Variants in CEP43 observed in about 807,000 individuals in gnomAD.
CEP43 encodes centrosomal protein 43.
A neutral mutation model predicts 52.6 loss-of-function variants in CEP43; 36 were observed. That is an observed-to-expected ratio of 0.68 (90% CI 0.52 to 0.90). CEP43 has a LOEUF of 0.90. CEP43 is among the 40% of genes least tolerant of loss of function. CEP43 has a pLI of 0.00. For synonymous variants in CEP43, 192 were observed against 172.4 expected, an observed-to-expected ratio of 1.11 and a Z score of -0.89; for missense variants, 506 against 472.8, an observed-to-expected ratio of 1.07 and a Z score of -0.65.
intron 5 of CEP43, among the ~76,000 whole-genome samples, chr6:167,004,629 G>T (rs796324594): frequency 1.5e-3 from 85 of 55,168 alleles, no homozygotes; most frequent in African/African-American, 5.2e-3. Flanking sequence ...CCTCAAGAGT[G>T]TTGGGTCATG....
intron 7 of CEP43, among the ~76,000 whole-genome samples, chr6:167,017,055 G>T (rs1286777377): frequency 6.6e-6 from 1 of 150,766 alleles, no homozygotes; most frequent in Non-Finnish European, 1.5e-5. Context: ...GAGTGCAGTG[G>T]CACGATCTCG....
intron 2 of CEP43, 142 bp from the exon 3 acceptor site, chr6:167,003,051 A>G: frequency 2.3e-6 from 1 of 433,106 alleles, no homozygotes; most frequent in South Asian, 5.4e-5. Flanking sequence ...ACTAAATAGC[A>G]CAAAGTAAGT....
At chr6:167,003,460 A>G (rs1036394207) in intron 3 of CEP43, 2 of 510,446 alleles carry the variant, frequency 3.9e-6, no homozygotes, top group African/African-American at 3.9e-5. Flanking sequence ...TACTACAAAA[A>G]GCCAATATTA....
In CEP43 at chr6:167,052,074, A is replaced by T. The variant is rs558879192; in HGVS notation, c.*12096A>T. ...CAACTTAATTTCTTAAATTATTTTT[A>T]ACTATATTTTTACGTATTTCCTTAA... On this transcript the variant is annotated 3_prime_UTR_variant, in exon 13 of 13. Coordinates refer to ENST00000366847, the MANE Select transcript of CEP43 (RefSeq NM_007045.4). 1 of 152,176 alleles carries T rather than the reference A, an allele frequency of 6.6e-6. No individual in the cohort carries two copies. Among genetic ancestry groups the T allele is most frequent in the East Asian group, 1.9e-4 (1 of 5,190 alleles). The allele number at this position is 152,176 out of a possible 1,614,324, so 9.4% of individuals were successfully genotyped here. A position where few individuals can be genotyped will look rare whatever the true frequency, so the allele number is the denominator to read the frequency against.
intron 10 of CEP43, among the ~76,000 whole-genome samples, chr6:167,031,839 A>G (rs2282858): frequency 0.015 from 2,217 of 152,232 alleles, 58 homozygotes; most frequent in East Asian, 0.11. Context: ...CTGATTTGCA[A>G]ATTTGTCCTT....
chr6:167,005,090 G>A (rs1381239967), intron 5 of CEP43, among the ~76,000 whole-genome samples: 1 of 152,126 alleles, frequency 6.6e-6, no homozygotes, highest in African/African-American at 2.4e-5. Context: ...CCAGATATTT[G>A]ATTAAATGTG....
intron 12 of CEP43, chr6:167,036,031 A>C: frequency 1.0e-6 from 1 of 982,754 alleles, no homozygotes; most frequent in South Asian, 4.7e-5. Context: ...CACAATAGAC[A>C]TTTCTGTCGT....
Position 167,003,187 on chromosome 6 carries a change from T to C in CEP43, c.157-6T>C, listed in dbSNP as rs755078420. On this transcript the variant is annotated splice_polypyrimidine_tract_variant and splice_region_variant and intron_variant, in intron 2 of 12. Coordinates refer to ENST00000366847, the MANE Select transcript of CEP43 (RefSeq NM_007045.4). ...CATGACACTTAAATTTTTTTTTTTTTAACAGAACAAAACTCCTTTAGTTAA... is the reference window on the plus strand; with the variant it reads ...CATGACACTTAAATTTTTTTTTTTTCAACAGAACAAAACTCCTTTAGTTAA... 24 of 1,370,028 alleles carry C rather than the reference T, an allele frequency of 1.8e-5. No individual in the cohort carries two copies. The allele number at this position is 1,370,028 out of a possible 1,614,324, so 84.9% of individuals were successfully genotyped here. A position where few individuals can be genotyped will look rare whatever the true frequency, so the allele number is the denominator to read the frequency against.
intron 8 of CEP43, 128 bp from the exon 9 acceptor site, chr6:167,024,654 G>A: frequency 1.4e-6 from 1 of 712,442 alleles, no homozygotes; most frequent in Non-Finnish European, 2.5e-6. Flanking sequence ...TCTTTAAAGT[G>A]TATATTCTTG....
Position 167,003,338 on chromosome 6 carries a change from T to C in CEP43, c.211+91T>C. Reference sequence around the variant, plus strand: ...GAAATCAGGAATTTCAGGGCTTTTTTTTTGTCTTCAATTGTTATAGGTCCT... The same window carrying C: ...GAAATCAGGAATTTCAGGGCTTTTTCTTTGTCTTCAATTGTTATAGGTCCT... On this transcript the variant is annotated intron_variant, in intron 3 of 12. Coordinates refer to ENST00000366847, the MANE Select transcript of CEP43 (RefSeq NM_007045.4). The C allele has an allele frequency of 5.8e-6, 4 of 687,288 alleles. 1 individual carries two copies. The South Asian group carries it at 8.2e-5, about 14-fold the overall frequency. 42.6% of individuals were successfully genotyped at this position (687,288 alleles called of 1,614,324 possible).
intron 12 of CEP43, chr6:167,036,424 C>T (rs537435382): frequency 1.6e-5 from 16 of 985,222 alleles, no homozygotes; most frequent in Non-Finnish European, 1.8e-5. Context: ...GGAGCAGAGG[C>T]CCTGGGGAGG....
In CEP43 at chr6:167,000,099, C is replaced by G; in HGVS notation, c.142C>G (p.Gln48Glu). ...AGCTGTGTTTTTAGCACTAGAGGAGCAAGAAAAAGTAGAGGTATGAAGTTT... is the reference window on the plus strand; with the variant it reads ...AGCTGTGTTTTTAGCACTAGAGGAGGAAGAAAAAGTAGAGGTATGAAGTTT... The part of the protein sequence containing the change: ...RAAVFLALEE[Q>E]EKVENKTPLV... Residue 48 changes from glutamine (Q) to glutamate (E), a missense_variant, in exon 2 of 13, where the codon CAA (glutamine) becomes GAA (glutamate). Coordinates refer to ENST00000366847, the MANE Select transcript of CEP43 (RefSeq NM_007045.4). The G allele has an allele frequency of 6.2e-7, 1 of 1,611,034 alleles. No individual in the cohort carries two copies. The highest frequency in any genetic ancestry group is 8.5e-7 in the Non-Finnish European group (1 of 1,178,390).
At chr6:167,014,319 G>A (rs537068979) in intron 7 of CEP43, among the ~76,000 whole-genome samples, 1 of 152,288 alleles carries the variant, frequency 6.6e-6, no homozygotes, top group Non-Finnish European at 1.5e-5. Context: ...TTTATTCAGT[G>A]CCCCTGCTCA....
chr6:167,042,043 T>C lies in CEP43; in HGVS notation c.*2065T>C, dbSNP rs1464825893. ...TTCACCATGTTGGTCAGGCTGGTCT[T>C]GAACTCCTGACCTCGTTCCTGCCTT... is the stretch of plus-strand genomic sequence containing the variant. On this transcript the variant is annotated 3_prime_UTR_variant, in exon 13 of 13. Transcript: ENST00000366847. 4 of 680,852 alleles carry C rather than the reference T, an allele frequency of 5.9e-6. No homozygotes were observed. The highest frequency in any genetic ancestry group is 6.1e-5 in the Admixed American group (1 of 16,266). 42.2% of individuals were successfully genotyped at this position (680,852 alleles called of 1,614,324 possible).
At chr6:167,002,216 C>G in intron 2 of CEP43, among the ~76,000 whole-genome samples, 1 of 152,076 alleles carries the variant, frequency 6.6e-6, no homozygotes, top group East Asian at 1.9e-4. Flanking sequence ...CACCCCAAAC[C>G]TTTTTAAGAA....
chr6:167,004,497 A>G (rs1779808209), intron 5 of CEP43, 96 bp downstream of exon 5: 5 of 1,012,856 alleles, frequency 4.9e-6, no homozygotes, highest in Non-Finnish European at 4.0e-6. Flanking sequence ...TAAGGTTTTC[A>G]TACTAGAAGA....
chr6:167,030,882 C>T (rs891681325), intron 10 of CEP43, among the ~76,000 whole-genome samples: 2 of 139,390 alleles, frequency 1.4e-5, no homozygotes, highest in African/African-American at 5.2e-5. Context: ...TACAAAGCTT[C>T]CCTTTGTATT....
intron 12 of CEP43, among the ~76,000 whole-genome samples, chr6:167,039,174 A>G (rs1241490313): frequency 2.0e-5 from 3 of 152,092 alleles, no homozygotes; most frequent in Middle Eastern, 3.4e-3. Context: ...CTGTCACCCA[A>G]GCTGGAGTGC....
chr6:167,010,902 G>C lies in CEP43; in HGVS notation c.519+9G>C. 1 of 1,566,242 alleles carries C rather than the reference G, an allele frequency of 6.4e-7. No individual in the cohort carries two copies. Among genetic ancestry groups the C allele is most frequent in the Non-Finnish European group, 8.7e-7 (1 of 1,151,464 alleles). ...AGACAACACCAAGTAAGGTGAGTTA[G>C]CTGTGGAACACGGAAGTCATGTCTG... On this transcript the variant is annotated intron_variant, in intron 6 of 12. Coordinates refer to ENST00000366847, the MANE Select transcript of CEP43 (RefSeq NM_007045.4).
Sources: gnomAD v4.1 joint callset for allele counts (sites outside exome capture counted in the v4.1 genomes callset) on GRCh38, gnomAD v4.1.1 for gene constraint, MANE v1.5 for transcripts, NCBI Gene and HGNC (gene_info 2026-07-23, HGNC 2026-07-21) for gene names.